Variants in MINAR2 observed in about 807,000 individuals in gnomAD.
The protein encoded by MINAR2 is major intrinsically disordered NOTCH2-binding receptor 1-like.
Under a neutral mutation model 16.1 loss-of-function variants are expected in MINAR2, and 21 were observed. The ratio of observed to expected loss-of-function variants is 1.31; its 90% CI spans 0.93 to 1.88. The LOEUF (loss-of-function observed/expected upper bound fraction) is 1.88, where lower values mean the gene tolerates loss of function less well. Among genes scored for constraint, MINAR2 ranks in the 40% most tolerant of loss-of-function variants. MINAR2 has a pLI of 0.00. For missense variants in MINAR2, 259 were observed against 229.8 expected (o/e 1.13, Z -0.82); for synonymous variants, 86 against 83.0 (o/e 1.04, Z -0.20).
intron 2 of MINAR2, among the ~76,000 whole-genome samples, chr5:129,761,578 G>A (rs1244006078): frequency 1.3e-5 from 2 of 151,964 alleles, no homozygotes; most frequent in African/African-American, 2.4e-5. Context: ...CCTCCTTTAC[G>A]TAGCCCATTT....
chr5:129,762,514 A>G (rs1758150427), intron 2 of MINAR2: 1 of 300,844 alleles, frequency 3.3e-6, no homozygotes, highest in Non-Finnish European at 6.8e-6. Flanking sequence ...TACCTATGAT[A>G]CTCTTCATTC....
At chr5:129,748,605 T>C (rs986896077) in intron 1 of MINAR2, among the ~76,000 whole-genome samples, 6 of 152,174 alleles carry the variant, frequency 3.9e-5, no homozygotes, top group African/African-American at 1.4e-4. Flanking sequence ...TCATTTTAGA[T>C]TTCAGGTGGC....
intron 2 of MINAR2, among the ~76,000 whole-genome samples, chr5:129,763,236 G>A (rs1758161300): frequency 6.6e-6 from 1 of 152,086 alleles, no homozygotes; most frequent in South Asian, 2.1e-4. Flanking sequence ...GGTCTCATAA[G>A]GTTATTCGTC....
In MINAR2 at chr5:129,748,237, T is replaced by G. The variant is rs912738278; in HGVS notation, c.47T>G (p.Leu16Arg). The G allele has an allele frequency of 3.9e-6, 6 of 1,535,246 alleles. No homozygotes were observed. The Admixed American group carries it at 1.2e-4, about 30-fold the overall frequency. Residue 16 changes from leucine (L) to arginine (R), a missense_variant, in exon 1 of 3, where the codon CTG becomes CGG. Coordinates refer to ENST00000564719, the MANE Select transcript of MINAR2 (RefSeq NM_001257308.2). The stretch of plus-strand genomic sequence containing the variant: ...AATAACAACCATCCTGACAAATTCC[T>G]GCAGCTTGACGTAAAGTCTTTAACG... Reference protein sequence around the residue: ...LPNNNHPDKFLQLDVKSLTRS... With the variant: ...LPNNNHPDKFRQLDVKSLTRS...
At chr5:129,755,371 C>T (rs532395972) in intron 1 of MINAR2, among the ~76,000 whole-genome samples, 1 of 152,044 alleles carries the variant, frequency 6.6e-6, no homozygotes, top group South Asian at 2.1e-4. Flanking sequence ...TGTTCCTTTT[C>T]CTATTTTCTG....
At position 129,750,257 on chromosome 5, in the gene MINAR2, G is replaced by A. The variant is rs566073937; in HGVS notation, c.165+1902G>A. Among the ~76,000 whole-genome samples, 300 of 152,228 alleles carry A rather than the reference G, an allele frequency of 2.0e-3. 1 individual carries two copies. The highest frequency in any genetic ancestry group is 7.0e-3 in the African/African-American group (290 of 41,548). On this transcript the variant is annotated intron_variant, in intron 1 of 2. Transcript: ENST00000564719. ...ATTGGATAAAACAATAAATGTCATAGAAATGGCCATATAGAAGTTTTAAAT... is the reference window on the plus strand; with the variant it reads ...ATTGGATAAAACAATAAATGTCATAAAAATGGCCATATAGAAGTTTTAAAT...
chr5:129,763,914 CA>C (rs1251633990), intron 2 of MINAR2, among the ~76,000 whole-genome samples: 2 of 152,026 alleles, frequency 1.3e-5, no homozygotes, highest in African/African-American at 4.8e-5. Flanking sequence ...ACTGGAGAGG[CA>C]AAGAGAGGGT....
At chr5:129,761,299 C>G (rs1758131712) in intron 2 of MINAR2, among the ~76,000 whole-genome samples, 1 of 152,170 alleles carries the variant, frequency 6.6e-6, no homozygotes. Context: ...GACTGGATTC[C>G]TACCCAGCCT....
At chr5:129,759,704 G>T (rs1033949550) in intron 1 of MINAR2, among the ~76,000 whole-genome samples, 1 of 152,008 alleles carries the variant, frequency 6.6e-6, no homozygotes, top group Non-Finnish European at 1.5e-5. Flanking sequence ...AGGTCTGGAT[G>T]TTGAATCTTG....
intron 1 of MINAR2, among the ~76,000 whole-genome samples, chr5:129,750,858 C>A (rs943631593): frequency 8.5e-5 from 13 of 152,098 alleles, no homozygotes; most frequent in Admixed American, 2.6e-4. Context: ...AATACGTCAA[C>A]CTGCGTGACT....
At position 129,748,316 on chromosome 5, in the gene MINAR2, T is replaced by C; in HGVS notation, c.126T>C (p.Tyr42=). The change falls in exon 1 of 3, where the codon TAT becomes TAC. Residue 42 remains tyrosine (Y), a synonymous_variant. Coordinates refer to ENST00000564719, the MANE Select transcript of MINAR2 (RefSeq NM_001257308.2). ...TGGTGAGGTTTCCGGGTGGAAATTATCCTGCTGCACAACACTGGCAAAACC... is the reference window on the plus strand; with the variant it reads ...TGGTGAGGTTTCCGGGTGGAAATTACCCTGCTGCACAACACTGGCAAAACC... ...ASLVRFPGGN[Y]PAAQHWQNLV... is the part of the protein sequence containing the mutation. 1 of 1,535,228 alleles carries C rather than the reference T, an allele frequency of 6.5e-7. No individual in the cohort carries two copies. Among genetic ancestry groups the C allele is most frequent in the Non-Finnish European group, 8.7e-7 (1 of 1,146,556 alleles).
intron 2 of MINAR2, among the ~76,000 whole-genome samples, chr5:129,761,989 G>A (rs1581293568): frequency 1.3e-5 from 2 of 151,886 alleles, no homozygotes; most frequent in East Asian, 1.9e-4. Flanking sequence ...ACAGGGAGGG[G>A]AACAACACAC....
intron 1 of MINAR2, among the ~76,000 whole-genome samples, chr5:129,754,864 G>T (rs1182100355): frequency 6.6e-6 from 1 of 151,784 alleles, no homozygotes; most frequent in Admixed American, 6.6e-5. Context: ...TTTTTGCATT[G>T]CTTTGAGCTT....
intron 2 of MINAR2, among the ~76,000 whole-genome samples, chr5:129,762,861 T>C (rs1489779077): frequency 1.3e-5 from 2 of 152,116 alleles, no homozygotes; most frequent in Non-Finnish European, 2.9e-5. Context: ...GAAGGATGTA[T>C]AGAATTCCCA....
At chr5:129,762,552 G>A (rs973839357) in intron 2 of MINAR2, 1 of 324,006 alleles carries the variant, frequency 3.1e-6, no homozygotes, top group African/African-American at 2.3e-5. Flanking sequence ...CTGATTTTCA[G>A]GTTTTCTGCT....
At chr5:129,749,215 T>C (rs1055837979) in intron 1 of MINAR2, among the ~76,000 whole-genome samples, 1 of 152,172 alleles carries the variant, frequency 6.6e-6, no homozygotes, top group African/African-American at 2.4e-5. Context: ...GTGACTGACC[T>C]ACAAACCCCT....
At chr5:129,751,938 G>T (rs1389797035) in intron 1 of MINAR2, among the ~76,000 whole-genome samples, 1 of 152,072 alleles carries the variant, frequency 6.6e-6, no homozygotes, top group African/African-American at 2.4e-5. Flanking sequence ...CTTCTCAAAA[G>T]AAGACATTTA....
chr5:129,762,014 G>A (rs542081250), intron 2 of MINAR2, among the ~76,000 whole-genome samples: 45 of 152,100 alleles, frequency 3.0e-4, no homozygotes, highest in Non-Finnish European at 6.3e-4. Context: ...GGGCCTGTGA[G>A]GGGTGGGGGA....
intron 1 of MINAR2, among the ~76,000 whole-genome samples, chr5:129,754,949 A>G (rs1247576922): frequency 6.6e-6 from 1 of 152,254 alleles, no homozygotes; most frequent in East Asian, 1.9e-4. Flanking sequence ...AAGTGTTTCT[A>G]ATATTAAACC....
Sources: allele counts gnomAD v4.1 joint callset (sites outside exome capture counted in the v4.1 genomes callset), GRCh38; gene constraint gnomAD v4.1.1; transcripts MANE v1.5; gene names NCBI Gene and HGNC (gene_info 2026-07-23, HGNC 2026-07-21).